FRMPD4: variants seen among roughly 807,000 people sequenced by gnomAD.
FRMPD4 encodes FERM and PDZ domain-containing protein 4.
In FRMPD4, 22 loss-of-function variants were observed where a neutral mutation model predicts 94.1. The ratio of observed to expected loss-of-function variants is 0.23; its 90% CI spans 0.17 to 0.33. The LOEUF (loss-of-function observed/expected upper bound fraction) is 0.33. Among genes scored for constraint, FRMPD4 ranks in the 10% least tolerant of loss-of-function variants. The pLI, the probability that FRMPD4 is intolerant of heterozygous loss-of-function variation, is 1.00. For missense variants in FRMPD4, 1,111 were observed against 1,339.9 expected (o/e 0.83, Z 2.67); for synonymous variants, 631 against 548.6 (o/e 1.15, Z -2.10).
rs148307603 is a variant in FRMPD4 at position 12,668,555 on chromosome X, A to G, written c.423-6308A>G. ...GAGTCCTTCTTCCAGAATTTCTTGA[A>G]AGAAGAAATTCTGCATGAGGTTAAG... is the stretch of plus-strand genomic sequence containing the variant. On this transcript the variant is annotated intron_variant, in intron 4 of 16. Coordinates refer to ENST00000675598, the MANE Select transcript of FRMPD4 (RefSeq NM_001368397.1). 5.1e-3 allele frequency among the ~76,000 whole-genome samples: 557 copies of G among 109,634 alleles called. 3 individuals are homozygous for G. Among genetic ancestry groups the G allele is most frequent in the African/African-American group, 0.017 (518 of 30,175 alleles).
At chrX:12,106,011 T>A (rs1000590066) in intron 3 of FRMPD4, among the ~76,000 whole-genome samples, 1 of 112,003 alleles carries the variant, frequency 8.9e-6, no homozygotes, top group African/African-American at 3.3e-5. Flanking sequence ...CTTCTTGGGC[T>A]CCACTACCTT....
intron 2 of FRMPD4, 80 bp downstream of exon 2, chrX:12,498,876 T>G: frequency 3.6e-6 from 2 of 549,288 alleles, no homozygotes; most frequent in South Asian, 3.6e-5. Flanking sequence ...ATGAACATAC[T>G]TAAATTAGGC....
chrX:11,850,446 G>A (rs1372550866), intron 1 of FRMPD4, among the ~76,000 whole-genome samples: 5 of 111,879 alleles, frequency 4.5e-5, no homozygotes, highest in Middle Eastern at 4.3e-3. Flanking sequence ...AATCTACTTC[G>A]GGGTTTATAC....
intron 3 of FRMPD4, among the ~76,000 whole-genome samples, chrX:12,122,511 C>T (rs746092193): frequency 2.4e-4 from 27 of 111,561 alleles, no homozygotes; most frequent in African/African-American, 8.5e-4. Flanking sequence ...TCAAACCACT[C>T]ATGTAGCCAC....
At chrX:12,097,628 G>A (rs762572867) in intron 3 of FRMPD4, among the ~76,000 whole-genome samples, 8 of 111,960 alleles carry the variant, frequency 7.1e-5, no homozygotes, top group African/African-American at 9.7e-5. Context: ...ATAGATTTGC[G>A]ATTCTGAACA....
intron 9 of FRMPD4, among the ~76,000 whole-genome samples, chrX:12,696,581 T>A (rs868029211): frequency 1.3e-4 from 2 of 14,964 alleles, no homozygotes; most frequent in African/African-American, 5.1e-4. Flanking sequence ...AAAACAAAAA[T>A]GAAGCAAAAA....
chrX:11,932,982 G>T lies in FRMPD4; in HGVS notation c.95+54964G>T, dbSNP rs765853594. 1.4e-3 allele frequency among the ~76,000 whole-genome samples: 161 copies of T among 112,052 alleles called. 3 individuals are homozygous for T. Among genetic ancestry groups the T allele is most frequent in the Non-Finnish European group, 4.3e-4 (23 of 53,205 alleles). The stretch of plus-strand genomic sequence containing the variant: ...TCTCTCCACTGAGAGCAGGGGCACT[G>T]CTTTCTCACTGTCAGCCCTACAGTG... On this transcript the variant is annotated intron_variant, in intron 3 of 18. Transcript: ENST00000640291.
intron 1 of FRMPD4, among the ~76,000 whole-genome samples, chrX:12,210,421 T>C (rs1249070230): frequency 9.0e-6 from 1 of 111,094 alleles, no homozygotes; most frequent in Admixed American, 9.6e-5. Flanking sequence ...TATGAACCAA[T>C]TAGAAGCGGC....
At chrX:12,554,464 T>C (rs140079763) in intron 2 of FRMPD4, among the ~76,000 whole-genome samples, 2,236 of 112,133 alleles carry the variant, frequency 0.02, 47 homozygotes, top group African/African-American at 0.067. Context: ...ATGAAGTCAA[T>C]TCAATAAGTC....
chrX:12,519,761 T>C (rs1399666658), intron 2 of FRMPD4, among the ~76,000 whole-genome samples: 1 of 112,371 alleles, frequency 8.9e-6, no homozygotes, highest in African/African-American at 3.2e-5. Flanking sequence ...AATAGACATT[T>C]CTTCAAAGAT....
intron 1 of FRMPD4, among the ~76,000 whole-genome samples, chrX:12,350,555 C>G (rs1328282117): frequency 8.9e-6 from 1 of 111,918 alleles, no homozygotes; most frequent in East Asian, 2.8e-4. Context: ...GATAAACTGT[C>G]TCATAGTCTC....
chrX:12,517,917 C>A (rs1401148134), intron 2 of FRMPD4, among the ~76,000 whole-genome samples: 1 of 112,419 alleles, frequency 8.9e-6, no homozygotes, highest in African/African-American at 3.2e-5. Context: ...TGCTGAAATT[C>A]CTACAGGTAG....
intron 2 of FRMPD4, among the ~76,000 whole-genome samples, chrX:12,519,997 A>G (rs995950631): frequency 8.9e-6 from 1 of 112,245 alleles, no homozygotes; most frequent in Non-Finnish European, 1.9e-5. Context: ...CAAGTCCTCA[A>G]AAAATTAAAA....
chrX:12,155,451 A>C (rs1312300833), intron 1 of FRMPD4, among the ~76,000 whole-genome samples: 2 of 109,701 alleles, frequency 1.8e-5, no homozygotes, highest in African/African-American at 6.7e-5. Context: ...CCAGAGGGCC[A>C]CTTTAGGGTT....
chrX:11,951,536 A>G (rs1166382149), intron 3 of FRMPD4, among the ~76,000 whole-genome samples: 1 of 111,910 alleles, frequency 8.9e-6, no homozygotes, highest in Non-Finnish European at 1.9e-5. Flanking sequence ...GTGGAAGCTA[A>G]ATGATGAGAA....
At chrX:12,369,371 A>T (rs1260361913) in intron 1 of FRMPD4, among the ~76,000 whole-genome samples, 5 of 110,877 alleles carry the variant, frequency 4.5e-5, no homozygotes, top group African/African-American at 1.6e-4. Context: ...CATTTAACTA[A>T]CGCGGGCCTC....
chrX:12,244,497 C>T (rs968103258), intron 1 of FRMPD4, among the ~76,000 whole-genome samples: 17 of 111,920 alleles, frequency 1.5e-4, no homozygotes, highest in African/African-American at 5.5e-4. Context: ...TGACTGGCGC[C>T]CTAGTTCTGC....
intron 3 of FRMPD4, among the ~76,000 whole-genome samples, chrX:12,047,111 T>A (rs1387617874): frequency 9.1e-6 from 1 of 109,724 alleles, no homozygotes; most frequent in South Asian, 3.8e-4. Context: ...GTATATATGG[T>A]TATATATATG....
rs1392217634 is a variant in FRMPD4 at position 12,139,553 on chromosome X, G to GTTT, written c.41+541_41+542insTTT. 2.7e-4 allele frequency among the ~76,000 whole-genome samples: 24 copies of GTTT among 89,813 alleles called. No individual in the cohort carries two copies. In the South Asian group the frequency reaches 5.7e-3, roughly 21 times the overall value. The allele number at this position is 89,813 out of a possible 115,157, so 78.0% of individuals were successfully genotyped here. A position where few individuals can be genotyped will look rare whatever the true frequency, so the allele number is the denominator to read the frequency against. On this transcript the variant is annotated intron_variant, in intron 1 of 16. Coordinates refer to ENST00000675598, the MANE Select transcript of FRMPD4 (RefSeq NM_001368397.1). ...AAGACTTTCAGCCTTTTTTTTTTTGGGGGGGGGGTAACTATATTCTTAAGC... is the reference window on the plus strand; with the variant it reads ...AAGACTTTCAGCCTTTTTTTTTTTGGTTTGGGGGGGGTAACTATATTCTTAAGC...
Sources: allele counts gnomAD v4.1 joint callset (sites outside exome capture counted in the v4.1 genomes callset), GRCh38; gene constraint gnomAD v4.1.1; transcripts MANE v1.5; gene names NCBI Gene and HGNC (gene_info 2026-07-23, HGNC 2026-07-21).